The following GRM8 variants were observed in gnomAD, a reference collection of about 807,000 sequenced individuals.
GRM8 encodes the protein metabotropic glutamate receptor 8.
A neutral mutation model predicts 87.2 loss-of-function variants in GRM8; 47 were observed. The observed-to-expected ratio is 0.54, with a 90% confidence interval of 0.43 to 0.69. The LOEUF (loss-of-function observed/expected upper bound fraction) is 0.69. Ranked by LOEUF, GRM8 falls within the 30% of genes least tolerant of loss-of-function variation. The pLI is 0.00. For synonymous variants in GRM8, 396 were observed against 404.5 expected, an observed-to-expected ratio of 0.98 and a Z score of 0.25; for missense variants, 1,019 against 1,139.2, an observed-to-expected ratio of 0.89 and a Z score of 1.52.
chr7:126,555,016 A>G (rs1792985312), intron 8 of GRM8, among the ~76,000 whole-genome samples: 1 of 152,212 alleles, frequency 6.6e-6, no homozygotes, highest in Admixed American at 6.5e-5. Context: ...GTTGCCTATA[A>G]CTCAAAATGA....
intron 9 of GRM8, chr7:126,447,011 T>C (rs1802089154): frequency 2.0e-5 from 3 of 152,268 alleles, no homozygotes; most frequent in Admixed American, 2.0e-4. Context: ...TTATAAAATA[T>C]GTAAGATCTC....
At chr7:126,550,184 G>A (rs1214670140) in intron 8 of GRM8, among the ~76,000 whole-genome samples, 1 of 151,510 alleles carries the variant, frequency 6.6e-6, no homozygotes, top group Admixed American at 6.6e-5. Flanking sequence ...GAGTGATCTC[G>A]GTTCACTGCA....
intron 3 of GRM8, among the ~76,000 whole-genome samples, chr7:127,014,127 A>G (rs186130292): frequency 6.6e-6 from 1 of 152,312 alleles, no homozygotes; most frequent in East Asian, 1.9e-4. Flanking sequence ...ATTGATAATG[A>G]CAAGGTCAAA....
chr7:126,882,500 G>A (rs1318725358), intron 6 of GRM8, among the ~76,000 whole-genome samples: 1 of 151,756 alleles, frequency 6.6e-6, no homozygotes, highest in Non-Finnish European at 1.5e-5. Context: ...AAGAATACTA[G>A]GGATAACCTA....
intron 9 of GRM8, among the ~76,000 whole-genome samples, chr7:126,480,618 C>T (rs957712974): frequency 2.0e-5 from 3 of 151,908 alleles, no homozygotes; most frequent in African/African-American, 4.8e-5. Flanking sequence ...AAGGTACAAT[C>T]AAGAAAACAG....
chr7:127,015,155 AAGG>A (rs1408579960), intron 3 of GRM8, among the ~76,000 whole-genome samples: 2 of 51,282 alleles, frequency 3.9e-5, no homozygotes, highest in African/African-American at 2.4e-4. Context: ...AAGAAGGAAG[AAGG>A]AGAAGGAGAA....
At chr7:126,649,675 A>G (rs1803573497) in intron 7 of GRM8, among the ~76,000 whole-genome samples, 1 of 152,130 alleles carries the variant, frequency 6.6e-6, no homozygotes, top group African/African-American at 2.4e-5. Flanking sequence ...CCCTCCTACA[A>G]CCAAGAAAGA....
At chr7:127,110,511 T>C (rs1240171848) in intron 2 of GRM8, among the ~76,000 whole-genome samples, 9 of 152,194 alleles carry the variant, frequency 5.9e-5, no homozygotes, top group Admixed American at 4.6e-4. Context: ...TGAGACTTCA[T>C]AAAAATATCA....
At chr7:126,660,767 G>A (rs1381291541) in intron 7 of GRM8, among the ~76,000 whole-genome samples, 1 of 152,166 alleles carries the variant, frequency 6.6e-6, no homozygotes, top group African/African-American at 2.4e-5. Context: ...AGTTCCAAGA[G>A]GGAATTAACA....
chr7:126,827,831 T>A (rs1184436948), intron 6 of GRM8, among the ~76,000 whole-genome samples: 2 of 152,238 alleles, frequency 1.3e-5, no homozygotes, highest in African/African-American at 2.4e-5. Context: ...CCATTCAGTA[T>A]GATATTGGCT....
rs1268601367 is a variant in GRM8, at chr7:126,903,715, G to GTA, written c.1018+255_1018+256dup. 5.3e-5 allele frequency among the ~76,000 whole-genome samples: 7 copies of GTA among 132,184 alleles called. No homozygotes were observed. The South Asian group carries it at 7.2e-4, about 14-fold the overall frequency. The allele number at this position is 132,184 out of a possible 152,430, so 86.7% of individuals were successfully genotyped here. A position where few individuals can be genotyped will look rare whatever the true frequency, so the allele number is the denominator to read the frequency against. ...TATGTGTATATATATATGTATATGT[G>GTA]TATATATATATGTATATGTGTATAT... On this transcript the variant is annotated intron_variant, in intron 5 of 10. Transcript: ENST00000339582.
chr7:126,915,999 A>T (rs554046676), intron 3 of GRM8, among the ~76,000 whole-genome samples: 1 of 152,202 alleles, frequency 6.6e-6, no homozygotes, highest in African/African-American at 2.4e-5. Context: ...TGCCATTTCA[A>T]ATTAGGTTCC....
intron 3 of GRM8, among the ~76,000 whole-genome samples, chr7:127,049,976 C>T (rs1463204691): frequency 6.6e-6 from 1 of 152,142 alleles, no homozygotes; most frequent in Non-Finnish European, 1.5e-5. Flanking sequence ...TAAAGTGATG[C>T]TGGAGACAGG....
chr7:126,593,035 T>C (rs1796837171), intron 8 of GRM8, among the ~76,000 whole-genome samples: 1 of 151,816 alleles, frequency 6.6e-6, no homozygotes, highest in Non-Finnish European at 1.5e-5. Flanking sequence ...AATAAAACAT[T>C]TGTGAATAAA....
intron 9 of GRM8, among the ~76,000 whole-genome samples, chr7:126,458,022 CA>C (rs536344446): frequency 0.012 from 1,622 of 136,290 alleles, 16 homozygotes; most frequent in Non-Finnish European, 0.017. Flanking sequence ...TGTTGTTAGC[CA>C]AAAAAAAAAA....
At chr7:126,707,669 T>A (rs559651490) in intron 7 of GRM8, among the ~76,000 whole-genome samples, 1 of 152,290 alleles carries the variant, frequency 6.6e-6, no homozygotes, top group African/African-American at 2.4e-5. Context: ...AAGTCTCTTT[T>A]ATAAATTACA....
At chr7:126,991,729 CAG>C (rs1435814324) in intron 3 of GRM8, among the ~76,000 whole-genome samples, 9 of 152,126 alleles carry the variant, frequency 5.9e-5, no homozygotes, top group Admixed American at 2.0e-4. Context: ...AAAATGGAAA[CAG>C]AGTTGATTTT....
chr7:126,802,260 G>A (rs1207047199), intron 6 of GRM8, among the ~76,000 whole-genome samples: 1 of 152,052 alleles, frequency 6.6e-6, no homozygotes, highest in Admixed American at 6.5e-5. Flanking sequence ...TGTAGTCAGG[G>A]TGATGTACTA....
intron 2 of GRM8, among the ~76,000 whole-genome samples, chr7:127,133,483 A>C (rs983558864): frequency 9.2e-5 from 14 of 151,922 alleles, no homozygotes; most frequent in Non-Finnish European, 4.4e-5. Flanking sequence ...ATGCCGAGGC[A>C]GGCGAATCAC....
Sources: allele counts gnomAD v4.1 joint callset (sites outside exome capture counted in the v4.1 genomes callset), GRCh38; gene constraint gnomAD v4.1.1; transcripts MANE v1.5; gene names NCBI Gene and HGNC (gene_info 2026-07-23, HGNC 2026-07-21).